The following DLGAP1 variants were observed in gnomAD, a reference collection of about 807,000 sequenced individuals.
The protein encoded by DLGAP1 is disks large-associated protein 1.
Under a neutral mutation model 90.8 loss-of-function variants are expected in DLGAP1, and 11 were observed. The observed-to-expected ratio is 0.12, with a 90% CI of 0.08 to 0.20. DLGAP1 has a LOEUF of 0.20. Among genes scored for constraint, DLGAP1 ranks in the 10% least tolerant of loss-of-function variants. The pLI is 1.00. For missense variants in DLGAP1, 1,050 were observed against 1,333.8 expected (o/e 0.79, Z 3.31); for synonymous variants, 558 against 540.7 (o/e 1.03, Z -0.44).
At chr18:3,956,542 T>G (rs1345312344) in intron 3 of DLGAP1, among the ~76,000 whole-genome samples, 1 of 151,402 alleles carries the variant, frequency 6.6e-6, no homozygotes, top group East Asian at 1.9e-4. Flanking sequence ...TAGAGATGGG[T>G]TTTCGCCGTG....
rs574524027 is a variant in DLGAP1, at chr18:4,105,857, C to T, written c.-159+45323G>A. ...CATCCTGGCTAACACGGTGAAACCC[C>T]GTCTCTACTAAAAATACAAAAAAAA... On this transcript the variant is annotated intron_variant, in intron 2 of 12. Transcript: ENST00000315677. Among the ~76,000 whole-genome samples the T allele has an allele frequency of 5.1e-4, 77 of 151,544 alleles. 2 individuals carry two copies. The highest frequency in any genetic ancestry group is 2.8e-3 in the Admixed American group (42 of 15,254).
chr18:4,169,493 G>A (rs941573402), intron 1 of DLGAP1, among the ~76,000 whole-genome samples: 1 of 152,112 alleles, frequency 6.6e-6, no homozygotes, highest in African/African-American at 2.4e-5. Flanking sequence ...AATACATATG[G>A]CAAATTAAAA....
chr18:4,107,268 G>T (rs1414805050), intron 2 of DLGAP1, among the ~76,000 whole-genome samples: 2 of 152,168 alleles, frequency 1.3e-5, no homozygotes, highest in African/African-American at 2.4e-5. Context: ...TTTCTATAAG[G>T]CCTGACACTC....
At chr18:3,654,182 G>A (rs1233381146) in intron 7 of DLGAP1, among the ~76,000 whole-genome samples, 3 of 152,226 alleles carry the variant, frequency 2.0e-5, no homozygotes, top group East Asian at 1.9e-4. Context: ...TCTGGTATCC[G>A]CAGCCACTCC....
rs1434833129 is a variant in DLGAP1 at position 4,135,084 on chromosome 18, A to T, written c.-159+16096T>A. On this transcript the variant is annotated intron_variant, in intron 2 of 12. Transcript: ENST00000315677. The stretch of plus-strand genomic sequence containing the variant: ...TTTGATCTCCAAACTCTCTCTGACT[A>T]TAACCATATGACAAATTGGGCATTA... Among the ~76,000 whole-genome samples the T allele has an allele frequency of 2.0e-5, 3 of 152,214 alleles. No homozygotes were observed. In the East Asian group the frequency reaches 5.8e-4, roughly 29 times the overall value.
chr18:4,248,145 T>C (rs2078693634), intron 1 of DLGAP1, among the ~76,000 whole-genome samples: 1 of 152,180 alleles, frequency 6.6e-6, no homozygotes, highest in Non-Finnish European at 1.5e-5. Context: ...CTGCAAACCC[T>C]TGCTGCCTCT....
At chr18:3,623,025 G>A (rs1005325228) in intron 7 of DLGAP1, among the ~76,000 whole-genome samples, 10 of 151,918 alleles carry the variant, frequency 6.6e-5, no homozygotes, top group Non-Finnish European at 5.9e-5. Flanking sequence ...GGCTGGTCTT[G>A]AACTCCTGAC....
At chr18:4,356,647 T>C (rs1303640019) in intron 1 of DLGAP1, among the ~76,000 whole-genome samples, 3 of 152,160 alleles carry the variant, frequency 2.0e-5, no homozygotes, top group Admixed American at 2.0e-4. Context: ...TGCCCACTAT[T>C]ATCTCTTGAC....
intron 5 of DLGAP1, chr18:3,771,358 T>C (rs1300761328): frequency 6.6e-6 from 1 of 152,346 alleles, no homozygotes; most frequent in South Asian, 2.1e-4. Context: ...AAGGCACCGA[T>C]GCTCCGTCCC....
intron 1 of DLGAP1, among the ~76,000 whole-genome samples, chr18:4,417,516 A>G (rs2082926451): frequency 6.6e-6 from 1 of 152,140 alleles, no homozygotes; most frequent in African/African-American, 2.4e-5. Flanking sequence ...TAAGAGTTCT[A>G]GAGACTTCTA....
At chr18:3,930,214 A>G (rs906356194) in intron 3 of DLGAP1, among the ~76,000 whole-genome samples, 1 of 152,210 alleles carries the variant, frequency 6.6e-6, no homozygotes, top group Non-Finnish European at 1.5e-5. Context: ...TGCTGTGAAC[A>G]CATTCTTTTC....
At chr18:4,015,004 T>G (rs2074496576) in intron 2 of DLGAP1, among the ~76,000 whole-genome samples, 1 of 152,172 alleles carries the variant, frequency 6.6e-6, no homozygotes, top group South Asian at 2.1e-4. Context: ...GCCCAGACTC[T>G]TGCGAGAACA....
chr18:3,708,441 G>C (rs2061503677), intron 7 of DLGAP1: 1 of 456,538 alleles, frequency 2.2e-6, no homozygotes, highest in South Asian at 1.5e-5. Context: ...TGGTATCAGG[G>C]GTGGAGGAGT....
intron 1 of DLGAP1, among the ~76,000 whole-genome samples, chr18:4,287,676 C>T (rs1458891203): frequency 6.6e-6 from 1 of 151,884 alleles, no homozygotes; most frequent in Non-Finnish European, 1.5e-5. Context: ...CATACCAGGG[C>T]CTGTCATGGG....
rs761154348 is a variant in DLGAP1 at position 3,683,145 on chromosome 18, C to T, written c.1591+45990G>A. 6.2e-4 allele frequency among the ~76,000 whole-genome samples: 94 copies of T among 152,184 alleles called. 1 individual carries two copies. Among genetic ancestry groups the T allele is most frequent in the African/African-American group, 1.5e-3 (63 of 41,510 alleles). On this transcript the variant is annotated intron_variant, in intron 7 of 12. Coordinates refer to ENST00000315677, the MANE Select transcript of DLGAP1 (RefSeq NM_004746.4). The stretch of plus-strand genomic sequence containing the variant: ...TGTTGGGATTACAGGTGTGAGCCAC[C>T]GCACCCGGCCATATCCAAAACTTTG...
At chr18:4,007,449 G>A (rs972135661) in intron 2 of DLGAP1, among the ~76,000 whole-genome samples, 10 of 152,174 alleles carry the variant, frequency 6.6e-5, no homozygotes, top group African/African-American at 2.4e-4. Context: ...GAGGTCAGGA[G>A]TTCAAGACCA....
chr18:3,937,255 T>C (rs754743978), intron 3 of DLGAP1, among the ~76,000 whole-genome samples: 1 of 152,180 alleles, frequency 6.6e-6, no homozygotes, highest in Non-Finnish European at 1.5e-5. Context: ...TACCTGAGAA[T>C]GGGTAATTTG....
chr18:3,977,881 T>C, intron 3 of DLGAP1: 1 of 377,800 alleles, frequency 2.6e-6, no homozygotes, highest in South Asian at 2.1e-5. Flanking sequence ...CTTCCTGATG[T>C]CATCATATCT....
chr18:3,913,179 C>T (rs1405344194), intron 3 of DLGAP1, among the ~76,000 whole-genome samples: 1 of 152,120 alleles, frequency 6.6e-6, no homozygotes, highest in African/African-American at 2.4e-5. Context: ...CAGCCTCGAC[C>T]TTCTGGGTTC....
Sources: allele counts gnomAD v4.1 joint callset (sites outside exome capture counted in the v4.1 genomes callset), GRCh38; gene constraint gnomAD v4.1.1; transcripts MANE v1.5; gene names NCBI Gene and HGNC (gene_info 2026-07-23, HGNC 2026-07-21).